The following PLEKHA5 variants were observed in gnomAD, a reference collection of about 807,000 sequenced individuals.
PLEKHA5 encodes the protein pleckstrin homology domain containing A5.
PLEKHA5 carries 55 observed loss-of-function variants against 181.9 expected under a neutral mutation model. The observed-to-expected ratio is 0.30, with a 90% CI of 0.24 to 0.38. The LOEUF (loss-of-function observed/expected upper bound fraction) is 0.38, where lower values mean the gene tolerates loss of function less well. Ranked by LOEUF, PLEKHA5 falls within the 10% of genes least tolerant of loss-of-function variation. The pLI, the probability that PLEKHA5 is intolerant of heterozygous loss-of-function variation, is 1.00. For missense variants in PLEKHA5, 1,432 were observed against 1,549.5 expected (o/e 0.92, Z 1.27); for synonymous variants, 535 against 529.4 (o/e 1.01, Z -0.15).
intron 15 of PLEKHA5, among the ~76,000 whole-genome samples, chr12:19,298,321 A>G (rs1297554545): frequency 2.0e-5 from 3 of 151,892 alleles, no homozygotes; most frequent in Non-Finnish European, 4.4e-5. Flanking sequence ...TTAGAATTTA[A>G]TATGTGTCTC....
chr12:19,164,210 T>G (rs1190602615), intron 3 of PLEKHA5, among the ~76,000 whole-genome samples: 1 of 148,042 alleles, frequency 6.8e-6, no homozygotes, highest in East Asian at 2.0e-4. Flanking sequence ...TTTTTTTTTT[T>G]TTTTTTGAGA....
intron 25 of PLEKHA5, 90 bp downstream of exon 25, chr12:19,348,609 A>T: frequency 1.0e-6 from 1 of 983,420 alleles, no homozygotes; most frequent in Non-Finnish European, 1.5e-6. Context: ...TTACATGTTG[A>T]CTCATATATG....
chr12:19,317,086 G>A (rs1384869333), intron 16 of PLEKHA5, among the ~76,000 whole-genome samples: 3 of 152,080 alleles, frequency 2.0e-5, no homozygotes, highest in African/African-American at 7.2e-5. Context: ...CTGAATCCAG[G>A]CTTGTCGAGG....
At chr12:19,271,484 A>G (rs1166522857) in intron 10 of PLEKHA5, among the ~76,000 whole-genome samples, 2 of 152,306 alleles carry the variant, frequency 1.3e-5, no homozygotes, top group African/African-American at 4.8e-5. Flanking sequence ...AGCCTAGACA[A>G]CGGAGTGAGA....
At chr12:19,231,286 C>T (rs933465475) in intron 3 of PLEKHA5, among the ~76,000 whole-genome samples, 39 of 151,868 alleles carry the variant, frequency 2.6e-4, no homozygotes, top group African/African-American at 8.9e-4. Context: ...GTAGAATTGA[C>T]TGTTAGTACT....
intron 15 of PLEKHA5, among the ~76,000 whole-genome samples, chr12:19,302,968 C>T (rs1172124321): frequency 8.6e-6 from 1 of 116,652 alleles, no homozygotes; most frequent in African/African-American, 3.3e-5. Flanking sequence ...GTTGCCCGGA[C>T]TGGAGTGCAG....
chr12:19,225,266 C>T (rs1279566447), intron 3 of PLEKHA5, among the ~76,000 whole-genome samples: 1 of 152,122 alleles, frequency 6.6e-6, no homozygotes, highest in Non-Finnish European at 1.5e-5. Flanking sequence ...TAAACCATTG[C>T]CTACTGCGTG....
At chr12:19,332,949 C>T (rs1473261463) in intron 20 of PLEKHA5, among the ~76,000 whole-genome samples, 1 of 152,202 alleles carries the variant, frequency 6.6e-6, no homozygotes, top group Admixed American at 6.5e-5. Context: ...AGCCACTGCA[C>T]TCAGTCTTGA....
At chr12:19,283,149 CAAA>C (rs34391812) in intron 11 of PLEKHA5, 128 bp from the exon 12 acceptor site, 1,708 of 202,534 alleles carry the variant, frequency 8.4e-3, no homozygotes, top group East Asian at 0.022. Flanking sequence ...TCTTGTCTCC[CAAA>C]AAAAAAAAAA....
chr12:19,318,606 G>A (rs906621142), intron 16 of PLEKHA5, among the ~76,000 whole-genome samples: 1 of 152,116 alleles, frequency 6.6e-6, no homozygotes, highest in African/African-American at 2.4e-5. Context: ...TAGTAAAGCT[G>A]TTTTGCATTT....
At chr12:19,303,054 T>C (rs1484924768) in intron 15 of PLEKHA5, among the ~76,000 whole-genome samples, 1 of 150,816 alleles carries the variant, frequency 6.6e-6, no homozygotes, top group Non-Finnish European at 1.5e-5. Context: ...CCTGAGTGAG[T>C]GAGACTACAG....
chr12:19,334,829 AATATATATATATATATATATAT>A (rs56763101), intron 20 of PLEKHA5, among the ~76,000 whole-genome samples: 1 of 18,602 alleles, frequency 5.4e-5, no homozygotes, highest in African/African-American at 1.2e-4. Flanking sequence ...AAAAAAAAAA[AATATATATATATATATATATAT>A]ATATATATAT....
chr12:19,152,718 A>G (rs2040721776), intron 3 of PLEKHA5: 1 of 152,212 alleles, frequency 6.6e-6, no homozygotes, highest in Non-Finnish European at 1.5e-5. Flanking sequence ...GGAAAATAAG[A>G]TGAATAAGCA....
intron 7 of PLEKHA5, among the ~76,000 whole-genome samples, 198 bp downstream of exon 7, chr12:19,261,219 G>A (rs996494515): frequency 2.0e-5 from 3 of 152,046 alleles, no homozygotes; most frequent in Non-Finnish European, 4.4e-5. Context: ...GCTTCAGACC[G>A]TGTTTGGTCT....
intron 21 of PLEKHA5, among the ~76,000 whole-genome samples, chr12:19,343,098 A>G (rs749346117): frequency 7.9e-5 from 12 of 152,208 alleles, no homozygotes; most frequent in Non-Finnish European, 1.3e-4. Context: ...AAAATAGTAT[A>G]TTTAAGTATG....
intron 3 of PLEKHA5, among the ~76,000 whole-genome samples, chr12:19,169,424 G>A (rs551877157): frequency 6.6e-6 from 1 of 152,162 alleles, no homozygotes; most frequent in Non-Finnish European, 1.5e-5. Context: ...TCACTTATAG[G>A]GCAGTGCTAA....
chr12:19,354,109 AAG>A (rs1207574573), intron 26 of PLEKHA5, 107 bp downstream of exon 26: 1 of 498,288 alleles, frequency 2.0e-6, no homozygotes, highest in Non-Finnish European at 3.6e-6. Flanking sequence ...TGCATACTCA[AAG>A]AAAAACTTAG....
intron 3 of PLEKHA5, among the ~76,000 whole-genome samples, chr12:19,143,315 A>G (rs1337866299): frequency 6.6e-6 from 1 of 152,248 alleles, no homozygotes; most frequent in East Asian, 1.9e-4. Flanking sequence ...TAAAGTTAGT[A>G]AAGAAATACC....
At chr12:19,374,935 A>G (rs752797697) in intron 31 of PLEKHA5, among the ~76,000 whole-genome samples, 2 of 152,066 alleles carry the variant, frequency 1.3e-5, no homozygotes, top group African/African-American at 4.8e-5. Context: ...ACCCTGGGCA[A>G]CAGAGCAAGA....
Sources: allele counts gnomAD v4.1 joint callset (sites outside exome capture counted in the v4.1 genomes callset), GRCh38; gene constraint gnomAD v4.1.1; transcripts MANE v1.5; gene names NCBI Gene and HGNC (gene_info 2026-07-23, HGNC 2026-07-21).